ZNF385D: variants seen among roughly 807,000 people sequenced by gnomAD.
The protein encoded by ZNF385D is zinc finger protein 659.
A neutral mutation model predicts 35.8 loss-of-function variants in ZNF385D; 15 were observed. The observed-to-expected ratio is 0.42, with a 90% CI of 0.28 to 0.64. The LOEUF (loss-of-function observed/expected upper bound fraction) is 0.64, where lower values mean the gene tolerates loss of function less well. ZNF385D is among the 30% of genes least tolerant of loss of function. ZNF385D has a pLI of 0.23. For missense variants in ZNF385D, 474 were observed against 494.6 expected (o/e 0.96, Z 0.39); for synonymous variants, 212 against 186.8 (o/e 1.13, Z -1.10).
intron 7 of ZNF385D, 110 bp from the exon 8 acceptor site, chr3:21,421,557 A>G: frequency 1.4e-6 from 1 of 693,092 alleles, no homozygotes; most frequent in Non-Finnish European, 2.4e-6. Context: ...CTATAAAGAA[A>G]AAAGCTTCAC....
intron 3 of ZNF385D, among the ~76,000 whole-genome samples, chr3:22,041,763 T>C (rs1221385814): frequency 6.6e-6 from 1 of 152,098 alleles, no homozygotes; most frequent in Non-Finnish European, 1.5e-5. Flanking sequence ...GAAGAGCTGG[T>C]GTCTATTCAA....
chr3:21,743,358 G>C (rs984022408), intron 1 of ZNF385D, among the ~76,000 whole-genome samples: 2 of 152,164 alleles, frequency 1.3e-5, no homozygotes, highest in African/African-American at 4.8e-5. Context: ...ACTAAATATA[G>C]ACACTAGAGG....
chr3:22,087,107 G>A (rs777930362), intron 3 of ZNF385D, among the ~76,000 whole-genome samples: 7 of 152,158 alleles, frequency 4.6e-5, no homozygotes, highest in Non-Finnish European at 7.4e-5. Context: ...TCTGATCGGA[G>A]CATGTTAATT....
At chr3:22,086,761 G>A (rs1325146955) in intron 3 of ZNF385D, among the ~76,000 whole-genome samples, 1 of 152,094 alleles carries the variant, frequency 6.6e-6, no homozygotes, top group African/African-American at 2.4e-5. Flanking sequence ...CCATAAAAAT[G>A]GATGAGTTCA....
intron 3 of ZNF385D, among the ~76,000 whole-genome samples, chr3:21,560,540 C>G (rs2062904080): frequency 6.6e-6 from 1 of 152,198 alleles, no homozygotes; most frequent in Non-Finnish European, 1.5e-5. Flanking sequence ...GGCTACCTGC[C>G]AGATGCCAGC....
chr3:22,115,951 G>C (rs981054935), intron 3 of ZNF385D, among the ~76,000 whole-genome samples: 1 of 151,988 alleles, frequency 6.6e-6, no homozygotes, highest in Admixed American at 6.6e-5. Context: ...TTGCAGCCAC[G>C]ACCACTTCCA....
chr3:21,480,695 G>T (rs946132655), intron 4 of ZNF385D, among the ~76,000 whole-genome samples: 1 of 152,090 alleles, frequency 6.6e-6, no homozygotes, highest in Non-Finnish European at 1.5e-5. Flanking sequence ...ATTGACATTC[G>T]ATATTCACTT....
chr3:21,575,787 C>T (rs1333146730), intron 2 of ZNF385D, among the ~76,000 whole-genome samples: 2 of 152,150 alleles, frequency 1.3e-5, no homozygotes, highest in Admixed American at 6.5e-5. Context: ...AGGGTTGGGT[C>T]TCATTATTCT....
chr3:21,756,145 G>A (rs1163978750), upstream of ZNF385D, among the ~76,000 whole-genome samples: 4 of 152,156 alleles, frequency 2.6e-5, no homozygotes, highest in South Asian at 4.1e-4. Flanking sequence ...ACAGATGTAA[G>A]GTGACGGGTT....
At chr3:22,124,257 T>C (rs542597052) in intron 3 of ZNF385D, among the ~76,000 whole-genome samples, 29 of 152,232 alleles carry the variant, frequency 1.9e-4, no homozygotes, top group African/African-American at 6.3e-4. Context: ...AATGACATGA[T>C]CTCATTCTTT....
chr3:21,740,998 G>T (rs957713674), intron 1 of ZNF385D, among the ~76,000 whole-genome samples: 1 of 152,144 alleles, frequency 6.6e-6, no homozygotes, highest in African/African-American at 2.4e-5. Flanking sequence ...ATCCACTGAT[G>T]TTCCCCTTAA....
At chr3:22,126,095 C>A (rs1381614020) in intron 3 of ZNF385D, among the ~76,000 whole-genome samples, 2 of 151,904 alleles carry the variant, frequency 1.3e-5, no homozygotes, top group African/African-American at 4.8e-5. Flanking sequence ...CTTGTATACC[C>A]AGGTTTTTGA....
At chr3:21,538,032 T>G (rs1304354152) in intron 3 of ZNF385D, among the ~76,000 whole-genome samples, 2 of 152,032 alleles carry the variant, frequency 1.3e-5, no homozygotes, top group Non-Finnish European at 2.9e-5. Flanking sequence ...ATATGTAACA[T>G]TCTGTAAGAT....
intron 2 of ZNF385D, among the ~76,000 whole-genome samples, chr3:22,235,198 A>G (rs1188280310): frequency 1.3e-5 from 2 of 152,106 alleles, no homozygotes; most frequent in African/African-American, 4.8e-5. Context: ...AGCCAGACCC[A>G]AAATCTGTGC....
At position 21,416,020 on chromosome 3, in the gene ZNF385D, T is replaced by C; in HGVS notation, c.*5194A>G. The C allele has an allele frequency of 2.2e-4, 1 of 4,636 alleles. No homozygotes were observed. The highest frequency in any genetic ancestry group is 3.3e-4 in the Non-Finnish European group (1 of 3,014). 0.3% of individuals were successfully genotyped at this position (4,636 alleles called of 1,614,324 possible). ...TTCATGACCTGCATGAACTTCTTTTTTTTTTTTTTTTTTTTTTTTTTGAGA... is the reference window on the plus strand; with the variant it reads ...TTCATGACCTGCATGAACTTCTTTTCTTTTTTTTTTTTTTTTTTTTTGAGA... On this transcript the variant is annotated 3_prime_UTR_variant, in exon 8 of 8. Coordinates refer to ENST00000281523, the MANE Select transcript of ZNF385D (RefSeq NM_024697.3).
At chr3:21,969,738 G>C (rs949217035) in intron 3 of ZNF385D, among the ~76,000 whole-genome samples, 5 of 152,148 alleles carry the variant, frequency 3.3e-5, no homozygotes, top group Non-Finnish European at 7.3e-5. Context: ...GTCACCATAG[G>C]CCTTGGGCAG....
intron 2 of ZNF385D, among the ~76,000 whole-genome samples, chr3:21,615,729 C>T (rs2064826147): frequency 6.6e-6 from 1 of 151,540 alleles, no homozygotes; most frequent in South Asian, 2.1e-4. Context: ...GGTGGCTAAA[C>T]TATCTTATAA....
In ZNF385D at chr3:21,510,946, C is replaced by T; in HGVS notation, c.354G>A (p.Gln118=). 6.2e-7 allele frequency: 1 copy of T among 1,614,150 alleles called. No individual in the cohort carries two copies. Among genetic ancestry groups the T allele is most frequent in the East Asian group, 2.2e-5 (1 of 44,870 alleles). Residue 118 remains glutamine (Q), a synonymous_variant, in exon 4 of 8, where the codon CAG becomes CAA. Coordinates refer to ENST00000281523, the MANE Select transcript of ZNF385D (RefSeq NM_024697.3). The part of the protein sequence containing the change: ...LKALEAMKNK[Q]KSVTAKDSAK... ...CGCTGTCCTTGGCAGTTACAGATTTCTGCTTATTTTTCATGGCTTCCAGTG... is the reference window on the plus strand; with the variant it reads ...CGCTGTCCTTGGCAGTTACAGATTTTTGCTTATTTTTCATGGCTTCCAGTG...
chr3:22,013,364 G>C (rs1405543537), intron 3 of ZNF385D, among the ~76,000 whole-genome samples: 1 of 152,080 alleles, frequency 6.6e-6, no homozygotes, highest in Non-Finnish European at 1.5e-5. Context: ...CCCTAAACAT[G>C]ATGATGATCA....
Sources: gnomAD v4.1 joint callset for allele counts (sites outside exome capture counted in the v4.1 genomes callset) on GRCh38, gnomAD v4.1.1 for gene constraint, MANE v1.5 for transcripts, NCBI Gene and HGNC (gene_info 2026-07-23, HGNC 2026-07-21) for gene names.